PDPK1: variants seen among roughly 807,000 people sequenced by gnomAD.
PDPK1 encodes the protein 3-phosphoinositide-dependent protein kinase 1.
Under a neutral mutation model 39.8 loss-of-function variants are expected in PDPK1, and 7 were observed. That is an observed-to-expected ratio of 0.18 (90% CI 0.10 to 0.33). The LOEUF (loss-of-function observed/expected upper bound fraction) is 0.33. Among genes scored for constraint, PDPK1 ranks in the 10% least tolerant of loss-of-function variants. PDPK1 has a pLI of 1.00. For synonymous variants in PDPK1, 118 were observed against 159.1 expected, an observed-to-expected ratio of 0.74 and a Z score of 1.95; for missense variants, 182 against 384.7, an observed-to-expected ratio of 0.47 and a Z score of 4.41.
intron 2 of PDPK1, among the ~76,000 whole-genome samples, chr16:2,559,669 C>CGA (rs1192562322): frequency 6.7e-6 from 1 of 148,154 alleles, no homozygotes; most frequent in Non-Finnish European, 1.5e-5. Flanking sequence ...TTAAGCGATC[C>CGA]TCCTGCCTTA....
At chr16:2,538,648 GC>G (rs1378314241) in intron 1 of PDPK1, 2 of 1,288,906 alleles carry the variant, frequency 1.6e-6, no homozygotes, top group African/African-American at 3.0e-5. Flanking sequence ...GGGAAAACTC[GC>G]CTTTCACGGC....
chr16:2,592,190 G>C (rs1367341740), intron 11 of PDPK1, among the ~76,000 whole-genome samples: 1 of 152,182 alleles, frequency 6.6e-6, no homozygotes, highest in African/African-American at 2.4e-5. Context: ...GGGTGGAGGA[G>C]GTGGCAAGAA....
At chr16:2,550,348 A>G (rs2066391589) in intron 1 of PDPK1, among the ~76,000 whole-genome samples, 1 of 98,750 alleles carries the variant, frequency 1.0e-5, no homozygotes, top group Non-Finnish European at 2.0e-5. Flanking sequence ...ACACGTGCCC[A>G]CCACCCTACT....
chr16:2,540,910 G>T (rs532722029), intron 1 of PDPK1, among the ~76,000 whole-genome samples: 3 of 152,244 alleles, frequency 2.0e-5, no homozygotes, highest in East Asian at 1.9e-4. Flanking sequence ...AAAGGTGGCT[G>T]CATCCTTAGG....
intron 12 of PDPK1, among the ~76,000 whole-genome samples, chr16:2,596,733 G>A (rs1399941095): frequency 6.6e-6 from 1 of 152,192 alleles, no homozygotes. Flanking sequence ...AGCTCCAGGT[G>A]CTCACGGGGC....
chr16:2,586,910 A>G lies in PDPK1; in HGVS notation c.1343+17A>G, dbSNP rs769580391. On this transcript the variant is annotated intron_variant, in intron 11 of 13. Coordinates refer to ENST00000342085, the MANE Select transcript of PDPK1 (RefSeq NM_002613.5). ...AAACCCTTGGTAAGAACTTATGGAC[A>G]TAAGCAATGCTTTTTGCAGAATTGC... is the stretch of plus-strand genomic sequence containing the variant. 3.1e-6 allele frequency: 5 copies of G among 1,609,008 alleles called. No homozygotes were observed. In the East Asian group the frequency reaches 8.9e-5, roughly 29 times the overall value.
intron 1 of PDPK1, among the ~76,000 whole-genome samples, chr16:2,542,247 C>T (rs1258552036): frequency 1.3e-5 from 2 of 152,194 alleles, no homozygotes; most frequent in African/African-American, 4.8e-5. Flanking sequence ...GCAACCTCCG[C>T]CTCATGGGTT....
At position 2,597,513 on chromosome 16, in the gene PDPK1, C is replaced by A. The variant is rs1368283490; in HGVS notation, c.1555-138C>A. The A allele has an allele frequency of 4.0e-6, 3 of 742,174 alleles. No homozygotes were observed. Among genetic ancestry groups the A allele is most frequent in the African/African-American group, 3.4e-5 (2 of 58,016 alleles). The allele number at this position is 742,174 out of a possible 1,614,324, so 46.0% of individuals were successfully genotyped here. A position where few individuals can be genotyped will look rare whatever the true frequency, so the allele number is the denominator to read the frequency against. On this transcript the variant is annotated intron_variant, in intron 13 of 13. Transcript: ENST00000342085. This position sits in a 1 kb window ranked among gnomAD's most constrained non-coding sequence, Gnocchi z 6.3. ...TGGTGGTCATCAGCCTGTGTAGTTG[C>A]TTACTGCTTGTGTGAATAACCGTCA...
At chr16:2,588,357 T>C (rs1034485086) in intron 11 of PDPK1, among the ~76,000 whole-genome samples, 3 of 152,178 alleles carry the variant, frequency 2.0e-5, no homozygotes, top group Non-Finnish European at 2.9e-5. Flanking sequence ...GGCGTGTGCC[T>C]GGCTATGCAA....
At chr16:2,545,430 C>T (rs1430701357) in intron 1 of PDPK1, among the ~76,000 whole-genome samples, 2 of 151,908 alleles carry the variant, frequency 1.3e-5, no homozygotes, top group Non-Finnish European at 2.9e-5. Flanking sequence ...CTCCCTTGGG[C>T]TCAAGCCATC....
rs2067187629 is a variant in PDPK1 at position 2,600,136 on chromosome 16, A to G, written c.*2369A>G. 1 of 233,070 alleles carries G rather than the reference A, an allele frequency of 4.3e-6. No homozygotes were observed. Among genetic ancestry groups the G allele is most frequent in the African/African-American group, 2.2e-5 (1 of 45,292 alleles). 14.4% of individuals were successfully genotyped at this position (233,070 alleles called of 1,614,324 possible). ...CATGTCTACTCCGGTTTTCTCTACC[A>G]CATCCTTAGAGCCATCACCTGGCAC... is the stretch of plus-strand genomic sequence containing the variant. On this transcript the variant is annotated 3_prime_UTR_variant, in exon 14 of 14. Transcript: ENST00000342085.
chr16:2,588,691 T>TG (rs1212112718), intron 11 of PDPK1, among the ~76,000 whole-genome samples: 1 of 152,180 alleles, frequency 6.6e-6, no homozygotes, highest in Non-Finnish European at 1.5e-5. Flanking sequence ...TTTGGGAAGC[T>TG]GATGACTCCT....
chr16:2,592,814 A>G (rs149698788), intron 11 of PDPK1: 13 of 456,238 alleles, frequency 2.8e-5, no homozygotes, highest in Non-Finnish European at 5.7e-5. Flanking sequence ...GTCTCTGTCC[A>G]TGCACCCTGG....
At chr16:2,589,486 G>A (rs375724707) in intron 11 of PDPK1, among the ~76,000 whole-genome samples, 1 of 152,004 alleles carries the variant, frequency 6.6e-6, no homozygotes, top group Non-Finnish European at 1.5e-5. Context: ...CCAGGAATTC[G>A]AGAGCAGCCT....
In PDPK1 at chr16:2,599,366, C is replaced by T. The variant is rs1407691746; in HGVS notation, c.*1599C>T. 4.3e-6 allele frequency: 1 copy of T among 233,200 alleles called. No individual in the cohort carries two copies. Among genetic ancestry groups the T allele is most frequent in the African/African-American group, 2.2e-5 (1 of 45,352 alleles). 14.4% of individuals were successfully genotyped at this position (233,200 alleles called of 1,614,324 possible). ...AGATCCAAACTGAGAGGGAAGGTGT[C>T]GTTTTTACACTGCTAATGACGAGAG... On this transcript the variant is annotated 3_prime_UTR_variant, in exon 14 of 14. Transcript: ENST00000342085.
intron 1 of PDPK1, among the ~76,000 whole-genome samples, chr16:2,545,445 A>C (rs1411950704): frequency 1.3e-5 from 2 of 151,484 alleles, no homozygotes; most frequent in Non-Finnish European, 2.9e-5. Flanking sequence ...GCCATCCTCC[A>C]GCCTTAGCCT....
intron 1 of PDPK1, 39 bp downstream of exon 1, chr16:2,538,175 AC>A: frequency 9.7e-7 from 1 of 1,032,024 alleles, no homozygotes. Context: ...CCGGTTTGTT[AC>A]CCTGCCGGGT....
chr16:2,544,636 T>C (rs968355494), intron 1 of PDPK1, among the ~76,000 whole-genome samples: 1 of 151,946 alleles, frequency 6.6e-6, no homozygotes, highest in East Asian at 1.9e-4. Context: ...CAAGTTGGAG[T>C]GCAGTGGCGC....
chr16:2,592,675 A>T (rs929040285), intron 11 of PDPK1: 29 of 173,006 alleles, frequency 1.7e-4, no homozygotes, highest in Admixed American at 3.6e-4. Flanking sequence ...ACTCTGTCTT[A>T]AAAAAAAAAA....
Sources: allele counts gnomAD v4.1 joint callset (sites outside exome capture counted in the v4.1 genomes callset), GRCh38; gene constraint gnomAD v4.1.1; non-coding constraint Gnocchi (gnomAD v3.1); transcripts MANE v1.5; gene names NCBI Gene and HGNC (gene_info 2026-07-23, HGNC 2026-07-21).